MX1: variants seen among roughly 807,000 people sequenced by gnomAD.
The protein encoded by MX1 is MX dynamin like GTPase 1, also known as interferon-induced GTP-binding protein Mx1.
In MX1, 66 loss-of-function variants were observed where a neutral mutation model predicts 66.4. The ratio of observed to expected loss-of-function variants is 0.99; its 90% CI spans 0.82 to 1.22. The LOEUF is 1.22. MX1 is among the 50% of genes most tolerant of loss of function. The probability of loss-of-function intolerance (pLI) is 0.00; values close to 1 mark genes in which losing one functional copy is unlikely to be tolerated. For synonymous variants in MX1, 311 were observed against 318.1 expected (o/e 0.98, Z 0.24); for missense variants, 787 against 834.3 (o/e 0.94, Z 0.70).
intron 2 of MX1, 56 bp downstream of exon 2, chr21:41,427,360 C>T (rs749637833): frequency 7.9e-5 from 12 of 152,158 alleles, no homozygotes; most frequent in Non-Finnish European, 1.5e-4. Flanking sequence ...TTATTCATAA[C>T]AAATTTAAAT....
At chr21:41,450,923 A>T (rs1057428669) in intron 14 of MX1, 1 of 218,408 alleles carries the variant, frequency 4.6e-6, no homozygotes, top group Admixed American at 5.7e-5. Context: ...CATTCTTTGC[A>T]GCTATTTAGG....
intron 5 of MX1, 128 bp downstream of exon 5, chr21:41,432,303 C>A: frequency 2.5e-6 from 2 of 800,316 alleles, no homozygotes; most frequent in Non-Finnish European, 4.1e-6. Flanking sequence ...TGCCAGGACG[C>A]AGATCCTGAC....
At chr21:41,421,381 T>C (rs1362951857), upstream of MX1, 1 of 152,244 alleles carries the variant, frequency 6.6e-6, no homozygotes, top group Non-Finnish European at 1.5e-5. Flanking sequence ...GAGGCATGCC[T>C]TCCTCTTATA....
chr21:41,452,653 G>A lies in MX1; in HGVS notation c.1542G>A (p.Glu514=). The A allele has an allele frequency of 1.2e-6, 2 of 1,614,182 alleles. No homozygotes were observed. The highest frequency in any genetic ancestry group is 1.1e-5 in the South Asian group (1 of 91,076). ...TTGAAGACATTAGAGCAGAACAAGA[G>A]AGAGAAGGTGAGAAGCTGATCCGCC... ...SKIEDIRAEQ[E]REGEKLIRLH... Residue 514 remains glutamate, a synonymous_variant, in exon 16 of 17, where the codon GAG becomes GAA. Transcript: ENST00000398598.
At chr21:41,435,107 A>G (rs1050423867) in intron 5 of MX1, among the ~76,000 whole-genome samples, 6 of 152,118 alleles carry the variant, frequency 3.9e-5, no homozygotes, top group African/African-American at 1.4e-4. Context: ...CTCGCTTGTT[A>G]TTGCTTCTGA....
chr21:41,451,281 A>G, intron 15 of MX1, 38 bp downstream of exon 15: 1 of 1,309,200 alleles, frequency 7.6e-7, no homozygotes, highest in Non-Finnish European at 1.1e-6. Flanking sequence ...AAAAAAAAGA[A>G]AAGAAATTAA....
At chr21:41,438,155 C>T (rs1162216557) in intron 7 of MX1, among the ~76,000 whole-genome samples, 1 of 152,188 alleles carries the variant, frequency 6.6e-6, no homozygotes, top group Non-Finnish European at 1.5e-5. Flanking sequence ...TAGGAAGGGA[C>T]GGGTTTAGCA....
chr21:41,449,162 C>G lies in MX1; in HGVS notation c.1299C>G (p.Ile433Met). ...GCCATAAAATTTTGAGTAGAAAAAT[C>G]CAGAAATTTGAAAATCAGTATCGTG... The part of the protein sequence containing the change: ...QEGHKILSRK[I>M]QKFENQYRGR... The change falls in exon 14 of 17, where the codon ATC (isoleucine) becomes ATG (methionine). Residue 433 changes from isoleucine (I) to methionine (M), a missense_variant. Physicochemically the swap from Ile to Met is conservative, Grantham distance 10. Coordinates refer to ENST00000398598, the MANE Select transcript of MX1 (RefSeq NM_002462.5). 1 of 1,611,398 alleles carries G rather than the reference C, an allele frequency of 6.2e-7. No homozygotes were observed. Among genetic ancestry groups the G allele is most frequent in the Non-Finnish European group, 8.5e-7 (1 of 1,179,192 alleles).
chr21:41,456,067 C>T (rs192561866), intron 16 of MX1, among the ~76,000 whole-genome samples: 1 of 152,098 alleles, frequency 6.6e-6, no homozygotes, highest in Admixed American at 6.6e-5. Context: ...CATGGCGAAA[C>T]CCGGTCTCTA....
At chr21:41,434,240 A>T (rs468105) in intron 5 of MX1, among the ~76,000 whole-genome samples, 1 of 151,674 alleles carries the variant, frequency 6.6e-6, no homozygotes, top group African/African-American at 2.4e-5. Flanking sequence ...AGCCCACTTT[A>T]GGAAAATTGC....
chr21:41,447,278 G>T (rs467574), intron 13 of MX1, among the ~76,000 whole-genome samples: 1 of 151,922 alleles, frequency 6.6e-6, no homozygotes, highest in Admixed American at 6.6e-5. Flanking sequence ...CAGATGGGAT[G>T]AGGGCCCACC....
chr21:41,430,241 G>A (rs537215233), intron 3 of MX1, among the ~76,000 whole-genome samples: 1 of 152,256 alleles, frequency 6.6e-6, no homozygotes, highest in South Asian at 2.1e-4. Flanking sequence ...TACTGACAAA[G>A]ATCACATGGC....
chr21:41,452,324 A>G (rs1029869853), intron 15 of MX1, among the ~76,000 whole-genome samples: 3 of 152,194 alleles, frequency 2.0e-5, no homozygotes, highest in Non-Finnish European at 4.4e-5. Context: ...AAGCCCCTAA[A>G]AGAGAAAGGA....
chr21:41,426,504 C>T (rs1282476699), intron 1 of MX1: 1 of 151,390 alleles, frequency 6.6e-6, no homozygotes, highest in Non-Finnish European at 1.5e-5. Flanking sequence ...CCTGATGACG[C>T]ATCAGAAACA....
In MX1 at chr21:41,446,095, C is replaced by T. The variant is rs375585685; in HGVS notation, c.1227C>T (p.His409=). 24 of 1,614,036 alleles carry T rather than the reference C, an allele frequency of 1.5e-5. No individual in the cohort carries two copies. The highest frequency in any genetic ancestry group is 6.7e-5 in the Admixed American group (4 of 60,010). Residue 409 remains histidine (H), a synonymous_variant, in exon 13 of 17, where the codon CAC becomes CAT. Transcript: ENST00000398598. ...EDIRLFTRLR[H]EFHKWSTIIE... ...TTCGGCTGTTTACCAGACTCCGACA[C>T]GAGTTCCACAAATGGAGTACAATAA...
chr21:41,422,059 A>T (rs1409300471), upstream of MX1: 1 of 152,302 alleles, frequency 6.6e-6, no homozygotes, highest in Non-Finnish European at 1.5e-5. Flanking sequence ...AGCTGGTAAA[A>T]CGAGGCTGAT....
chr21:41,436,868 C>G, intron 6 of MX1, 147 bp from the exon 7 acceptor site: 1 of 914,906 alleles, frequency 1.1e-6, no homozygotes, highest in Non-Finnish European at 1.6e-6. Flanking sequence ...TGCGATGTCC[C>G]CGCATATCAG....
chr21:41,452,725 C>G lies in MX1; in HGVS notation c.1614C>G (p.Tyr538Ter). The G allele has an allele frequency of 6.2e-7, 1 of 1,614,148 alleles. No homozygotes were observed. The highest frequency in any genetic ancestry group is 8.5e-7 in the Non-Finnish European group (1 of 1,180,040). The change falls in exon 16 of 17, where the codon TAC becomes TAG. Residue 538 changes from tyrosine to a stop codon, truncating the protein, a stop_gained. Transcript: ENST00000398598. LOFTEE classifies it high-confidence loss of function. ...TTGTCTACTGCCAGGACCAGGTATA[C>G]AGGGGTGCATTGCAGAAGGTCAGAG... ...EQIVYCQDQV[Y>*]RGALQKVREK...
Position 41,439,856 on chromosome 21 carries a change from T to C in MX1, c.591+8T>C, listed in dbSNP as rs750704539. The C allele has an allele frequency of 1.2e-6, 2 of 1,612,962 alleles. No homozygotes were observed. The highest frequency in any genetic ancestry group is 1.1e-5 in the South Asian group (1 of 91,000). On this transcript the variant is annotated splice_region_variant and intron_variant, in intron 8 of 16. Transcript: ENST00000398598. ...GCTGACATTGGGTATAAGGTCAGACTTCAGACCCATTCTGACCTTGGCCGT... is the reference window on the plus strand; with the variant it reads ...GCTGACATTGGGTATAAGGTCAGACCTCAGACCCATTCTGACCTTGGCCGT...
Sources: allele counts gnomAD v4.1 joint callset (sites outside exome capture counted in the v4.1 genomes callset), GRCh38; gene constraint gnomAD v4.1.1; transcripts MANE v1.5; gene names NCBI Gene and HGNC (gene_info 2026-07-23, HGNC 2026-07-21).